The following LIPF variants were observed in gnomAD, a reference collection of about 807,000 sequenced individuals.
LIPF encodes gastric triacylglycerol lipase.
LIPF carries 25 observed loss-of-function variants against 38.0 expected under a neutral mutation model. The ratio of observed to expected loss-of-function variants is 0.66; its 90% CI spans 0.48 to 0.92. The LOEUF (loss-of-function observed/expected upper bound fraction) is 0.92. Ranked by LOEUF, LIPF falls within the 40% of genes least tolerant of loss-of-function variation. The probability of loss-of-function intolerance (pLI) is 0.00; values close to 1 mark genes in which losing one functional copy is unlikely to be tolerated. For synonymous variants in LIPF, 161 were observed against 156.2 expected, an observed-to-expected ratio of 1.03 and a Z score of -0.23; for missense variants, 410 against 469.9, an observed-to-expected ratio of 0.87 and a Z score of 1.18.
chr10:88,671,989 TGAATCTAA>T (rs769268188), intron 6 of LIPF, 24 bp downstream of exon 6: 1 of 1,591,656 alleles, frequency 6.3e-7, no homozygotes, highest in Non-Finnish European at 8.6e-7. Flanking sequence ...TTTAATTAAG[TGAATCTAA>T]GACCCTTGAT....
chr10:88,669,050 G>A (rs1442788377), intron 4 of LIPF: 2 of 318,988 alleles, frequency 6.3e-6, no homozygotes, highest in Non-Finnish European at 1.2e-5. Flanking sequence ...AAATTCCAAA[G>A]GAATGTCCAT....
Position 88,673,689 on chromosome 10 carries a change from T to C in LIPF, c.771T>C (p.Asn257=), listed in dbSNP as rs781398572. The change falls in exon 7 of 10, where the codon AAT becomes AAC. Residue 257 remains asparagine, a synonymous_variant. Transcript: ENST00000238983. ...SREMLNLLCS[N]ALFIICGFDS... ...AGATGCTGAATCTCCTTTGCAGCAA[T>C]GCCTTATTTATAATTTGTGGATTTG... The C allele has an allele frequency of 1.2e-6, 2 of 1,613,194 alleles. No individual in the cohort carries two copies. The highest frequency in any genetic ancestry group is 2.2e-5 in the East Asian group (1 of 44,862).
At chr10:88,673,535 T>C (rs1280495519) in intron 6 of LIPF, 53 bp from the exon 7 acceptor site, 4 of 1,393,614 alleles carry the variant, frequency 2.9e-6, no homozygotes, top group Non-Finnish European at 3.0e-6. Context: ...AACTAGTGAG[T>C]CTTTTCTGCA....
At position 88,671,946 on chromosome 10, in the gene LIPF, T is replaced by C. The variant is rs1369388073; in HGVS notation, c.650T>C (p.Val217Ala). 2.5e-6 allele frequency: 4 copies of C among 1,611,628 alleles called. No homozygotes were observed. Among genetic ancestry groups the C allele is most frequent in the Non-Finnish European group, 3.4e-6 (4 of 1,178,788 alleles). ...TKSLINKLRF[V>A]PQSLFKFIFG... ...AGCCTTATAAACAAACTTAGATTTG[T>C]TCCTCAATCCCTCTTCAAGGTATGC... The change falls in exon 6 of 10, where the codon GTT becomes GCT. Residue 217 changes from valine to alanine, a missense_variant. By Grantham distance (64) the Val-to-Ala change is moderately conservative. Transcript: ENST00000238983.
At chr10:88,673,441 G>A in intron 6 of LIPF, 147 bp from the exon 7 acceptor site, 1 of 676,466 alleles carries the variant, frequency 1.5e-6, no homozygotes, top group Non-Finnish European at 2.5e-6. Context: ...TTAACTAAAT[G>A]AAAGTATTGG....
intron 5 of LIPF, among the ~76,000 whole-genome samples, chr10:88,670,562 C>T (rs772014166): frequency 6.6e-6 from 1 of 151,958 alleles, no homozygotes; most frequent in South Asian, 2.1e-4. Flanking sequence ...ATCAGATGTT[C>T]CAGGAAGACA....
chr10:88,667,323 G>GT lies in LIPF; in HGVS notation c.29dup (p.Leu10PhefsTer21). The GT allele has an allele frequency of 1.2e-6, 2 of 1,612,826 alleles. No homozygotes were observed. Among genetic ancestry groups the GT allele is most frequent in the Non-Finnish European group, 1.7e-6 (2 of 1,179,294 alleles). ...ATGTGGCTGCTTTTAACAATGGCAA[G>GT]TTTGATATCTGTACTGGGGACTACA... On this transcript the variant is annotated frameshift_variant, in exon 2 of 10. Transcript: ENST00000238983. LOFTEE classifies it high-confidence loss of function.
At chr10:88,676,169 AAT>A (rs1841683497) in intron 8 of LIPF, 38 bp from the exon 9 acceptor site, 1 of 1,178,750 alleles carries the variant, frequency 8.5e-7, no homozygotes, top group Non-Finnish European at 1.2e-6. Flanking sequence ...TTCACAATAT[AAT>A]AATTTTTATT....
At chr10:88,665,685 G>A in intron 1 of LIPF, 1 of 530,226 alleles carries the variant, frequency 1.9e-6, no homozygotes, top group South Asian at 2.0e-5. Context: ...TTATATATTA[G>A]TTTATCTCTT....
At chr10:88,665,453 T>G in intron 1 of LIPF, 1 of 942,120 alleles carries the variant, frequency 1.1e-6, no homozygotes, top group East Asian at 2.6e-5. Context: ...GTCCTCTGTA[T>G]GTGTTAATTA....
Position 88,667,269 on chromosome 10 carries a change from G to T in LIPF, c.-11-18G>T, listed in dbSNP as rs980615032. ...GTATAATGGATTAACCATGGCACGGGTTATTCTTTTCTTTCAGGCAGGTCC... is the reference window on the plus strand; with the variant it reads ...GTATAATGGATTAACCATGGCACGGTTTATTCTTTTCTTTCAGGCAGGTCC... On this transcript the variant is annotated intron_variant, in intron 1 of 9. Transcript: ENST00000238983. 2 of 1,388,674 alleles carry T rather than the reference G, an allele frequency of 1.4e-6. No homozygotes were observed. The highest frequency in any genetic ancestry group is 1.2e-5 in the South Asian group (1 of 84,876). 86.0% of individuals were successfully genotyped at this position (1,388,674 alleles called of 1,614,324 possible).
At chr10:88,674,217 G>A (rs1841649094) in intron 7 of LIPF, among the ~76,000 whole-genome samples, 1 of 152,132 alleles carries the variant, frequency 6.6e-6, no homozygotes, top group Non-Finnish European at 1.5e-5. Flanking sequence ...CACCCAGGCT[G>A]GAGTGCAGTG....
intron 9 of LIPF, among the ~76,000 whole-genome samples, chr10:88,676,982 G>A (rs896767993): frequency 6.6e-6 from 1 of 152,130 alleles, no homozygotes; most frequent in Non-Finnish European, 1.5e-5. Flanking sequence ...GGTTATCACT[G>A]ACTATTTTTG....
At chr10:88,665,503 A>G in intron 1 of LIPF, 1 of 1,528,404 alleles carries the variant, frequency 6.5e-7, no homozygotes, top group Non-Finnish European at 8.8e-7. Context: ...CATTTTGAGA[A>G]ATTTATTCTG....
intron 6 of LIPF, 24 bp from the exon 7 acceptor site, chr10:88,673,564 T>A: frequency 6.3e-7 from 1 of 1,591,048 alleles, no homozygotes; most frequent in Admixed American, 1.7e-5. Flanking sequence ...GCTACAACCC[T>A]CTAATAGTGC....
At chr10:88,675,312 C>T (rs890539050) in intron 7 of LIPF, among the ~76,000 whole-genome samples, 9 of 149,338 alleles carry the variant, frequency 6.0e-5, no homozygotes, top group African/African-American at 2.2e-4. Context: ...GGATCTTGGA[C>T]ATTTCTTTAA....
chr10:88,665,343 T>G (rs571012776), intron 1 of LIPF: 3 of 509,110 alleles, frequency 5.9e-6, no homozygotes, highest in African/African-American at 5.6e-5. Flanking sequence ...CATAGAGAAA[T>G]GTACTATTAC....
intron 5 of LIPF, 70 bp from the exon 6 acceptor site, chr10:88,671,759 T>C: frequency 6.5e-7 from 1 of 1,541,306 alleles, no homozygotes; most frequent in Non-Finnish European, 8.7e-7. Context: ...GTCACACTTA[T>C]AAAAACAAAC....
intron 6 of LIPF, among the ~76,000 whole-genome samples, chr10:88,673,119 T>A (rs1176138772): frequency 6.6e-6 from 1 of 151,998 alleles, no homozygotes. Flanking sequence ...TCAAAGAGAG[T>A]TGGGGCAAAC....
Sources: gnomAD v4.1 joint callset for allele counts (sites outside exome capture counted in the v4.1 genomes callset) on GRCh38, gnomAD v4.1.1 for gene constraint, MANE v1.5 for transcripts, NCBI Gene and HGNC (gene_info 2026-07-23, HGNC 2026-07-21) for gene names.